PLXND1: variants seen among roughly 807,000 people sequenced by gnomAD.
PLXND1 encodes plexin D1, also known as plexin-D1.
Under a neutral mutation model 197.7 loss-of-function variants are expected in PLXND1, and 54 were observed. The observed-to-expected ratio is 0.27, with a 90% CI of 0.22 to 0.34. PLXND1 has a LOEUF of 0.34. Ranked by LOEUF, PLXND1 falls within the 10% of genes least tolerant of loss-of-function variation. PLXND1 has a pLI of 1.00. For synonymous variants in PLXND1, 1,180 were observed against 1,161.2 expected, an observed-to-expected ratio of 1.02 and a Z score of -0.33; for missense variants, 2,127 against 2,699.2, an observed-to-expected ratio of 0.79 and a Z score of 4.70.
rs144157167 is a variant in PLXND1, at chr3:129,581,164, G to A, written c.2241+2403C>T. Among the ~76,000 whole-genome samples the A allele has an allele frequency of 2.0e-5, 3 of 152,320 alleles. No homozygotes were observed. In the East Asian group the frequency reaches 5.8e-4, roughly 29 times the overall value. ...AGGGGCCACGTGGTGTGCAGATCCC[G>A]CTGCCTGCTGCCTGCTGTTCACACA... is the stretch of plus-strand genomic sequence containing the variant. On this transcript the variant is annotated intron_variant, in intron 8 of 35. Transcript: ENST00000324093.
In PLXND1 at chr3:129,557,335, C is replaced by T; in HGVS notation, c.5446-112G>A. The stretch of plus-strand genomic sequence containing the variant: ...CCACATAAGTGACCTTAGCAGGCCC[C>T]CGAGGCCCAAAGAGTCTCACCCGGT... On this transcript the variant is annotated intron_variant, in intron 33 of 35. Transcript: ENST00000324093. The surrounding 1 kb of genome is among the most constrained non-coding windows in gnomAD (Gnocchi z 4.8). 2 of 1,232,828 alleles carry T rather than the reference C, an allele frequency of 1.6e-6. No homozygotes were observed. Among genetic ancestry groups the T allele is most frequent in the Non-Finnish European group, 1.2e-6 (1 of 869,188 alleles). 76.4% of individuals were successfully genotyped at this position (1,232,828 alleles called of 1,614,324 possible).
chr3:129,581,740 G>A (rs1214085309), intron 8 of PLXND1, among the ~76,000 whole-genome samples: 1 of 152,222 alleles, frequency 6.6e-6, no homozygotes, highest in Admixed American at 6.5e-5. Flanking sequence ...GGCTCGTGAT[G>A]GCAGGACTAG....
Position 129,560,668 on chromosome 3 carries a change from G to A in PLXND1, c.5028+21C>T, listed in dbSNP as rs377053795. Reference sequence around the variant, plus strand: ...ACCCACTGAGGGGCTGGATCCCCCGGGGCCGAGGTTGGGCACTCACCAAAT... The same window carrying A: ...ACCCACTGAGGGGCTGGATCCCCCGAGGCCGAGGTTGGGCACTCACCAAAT... On this transcript the variant is annotated intron_variant, in intron 30 of 35. Coordinates refer to ENST00000324093, the MANE Select transcript of PLXND1 (RefSeq NM_015103.3). 2.5e-6 allele frequency: 4 copies of A among 1,590,566 alleles called. No homozygotes were observed. The African/African-American group carries it at 5.4e-5, about 21-fold the overall frequency.
At chr3:129,600,885 A>G (rs2085698191) in intron 1 of PLXND1, among the ~76,000 whole-genome samples, 1 of 151,972 alleles carries the variant, frequency 6.6e-6, no homozygotes, top group Non-Finnish European at 1.5e-5. Context: ...GCCAGTTTAA[A>G]ACTGCCTGAT....
In PLXND1 at chr3:129,569,972, G is replaced by C. The variant is rs779137280; in HGVS notation, c.3751-15C>G. On this transcript the variant is annotated splice_polypyrimidine_tract_variant and intron_variant, in intron 19 of 35. Transcript: ENST00000324093. ...CCTACCTGGATCTGTGCAGAGGTTGGGGAAGGGGGTTGTAGCTTTCCTGGA... is the reference window on the plus strand; with the variant it reads ...CCTACCTGGATCTGTGCAGAGGTTGCGGAAGGGGGTTGTAGCTTTCCTGGA... 6 of 1,472,632 alleles carry C rather than the reference G, an allele frequency of 4.1e-6. No individual in the cohort carries two copies. The highest frequency in any genetic ancestry group is 4.8e-6 in the Non-Finnish European group (5 of 1,051,234). 91.2% of individuals were successfully genotyped at this position (1,472,632 alleles called of 1,614,324 possible).
chr3:129,564,160 G>A (rs879539172), intron 25 of PLXND1, among the ~76,000 whole-genome samples: 1 of 152,226 alleles, frequency 6.6e-6, no homozygotes, highest in Non-Finnish European at 1.5e-5. Context: ...GCCCCTCCCA[G>A]GCCCTGCCTC....
chr3:129,573,239 C>T (rs764382869), intron 13 of PLXND1, among the ~76,000 whole-genome samples: 1 of 152,098 alleles, frequency 6.6e-6, no homozygotes, highest in Non-Finnish European at 1.5e-5. Context: ...CCTACGGCCC[C>T]TCTGGGCCAG....
At chr3:129,603,068 A>G (rs1250079635) in intron 1 of PLXND1, among the ~76,000 whole-genome samples, 1 of 152,198 alleles carries the variant, frequency 6.6e-6, no homozygotes, top group Non-Finnish European at 1.5e-5. Flanking sequence ...TGCCCATGCT[A>G]GAGGCCCAGA....
chr3:129,576,516 C>T (rs1353697383), intron 9 of PLXND1, among the ~76,000 whole-genome samples: 1 of 152,206 alleles, frequency 6.6e-6, no homozygotes, highest in African/African-American at 2.4e-5. Context: ...GTGTGCCAGG[C>T]ATCACCCTTA....
chr3:129,560,668 G>C (rs377053795), intron 30 of PLXND1, 21 bp downstream of exon 30: 1 of 1,590,684 alleles, frequency 6.3e-7, no homozygotes, highest in Admixed American at 1.7e-5. Flanking sequence ...GGATCCCCCG[G>C]GGCCGAGGTT....
chr3:129,565,006 G>C (rs1245095231), intron 25 of PLXND1, among the ~76,000 whole-genome samples: 1 of 152,250 alleles, frequency 6.6e-6, no homozygotes, highest in Non-Finnish European at 1.5e-5. Context: ...AGAGCCTCAA[G>C]GGCCAGCCAG....
At position 129,606,479 on chromosome 3, in the gene PLXND1, G is replaced by A; in HGVS notation, c.161C>T (p.Pro54Leu). The change falls in exon 1 of 36, where the codon CCC becomes CTC. Residue 54 changes from proline (P) to leucine (L), a missense_variant. Pro to Leu is a moderately conservative substitution (Grantham distance 98). Around this residue, in one of 6 missense-constraint regions of PLXND1, gnomAD observed 245 missense variants for 267.1 expected, o/e 0.92. Transcript: ENST00000324093. ...GAAGTTGTTGGTGGGCGTGGGCGAG[G>A]GGAACCGACGCTGGATCTCCAGGGC... ...AGALEIQRRF[P>L]SPTPTNNFAL... 1 of 1,431,364 alleles carries A rather than the reference G, an allele frequency of 7.0e-7. No individual in the cohort carries two copies. 88.7% of individuals were successfully genotyped at this position (1,431,364 alleles called of 1,614,324 possible).
chr3:129,595,917 G>A (rs913201953), intron 1 of PLXND1, among the ~76,000 whole-genome samples: 7 of 23,136 alleles, frequency 3.0e-4, no homozygotes, highest in African/African-American at 5.1e-4. Context: ...GGGGGTGCAC[G>A]CACGCACACA....
rs1005588774 is a variant in PLXND1 at position 129,567,414 on chromosome 3, G to A, written c.4086+78C>T. 2.0e-5 allele frequency: 17 copies of A among 833,948 alleles called. No homozygotes were observed. In the Admixed American group the frequency reaches 3.4e-4, roughly 17 times the overall value. 51.7% of individuals were successfully genotyped at this position (833,948 alleles called of 1,614,324 possible). On this transcript the variant is annotated intron_variant, in intron 22 of 35. Transcript: ENST00000324093. ...TTGGCACTGCTCAAGGGACCCTATA[G>A]GCTGGCAGGGCTCAGAGAGGTCGAG...
chr3:129,594,748 C>T (rs779493091), intron 1 of PLXND1, among the ~76,000 whole-genome samples: 12 of 152,102 alleles, frequency 7.9e-5, no homozygotes, highest in Non-Finnish European at 1.5e-4. Context: ...AAATGTACCA[C>T]GGTAACGGTA....
At chr3:129,562,675 T>G in intron 27 of PLXND1, 112 bp downstream of exon 27, 1 of 980,128 alleles carries the variant, frequency 1.0e-6, no homozygotes, top group Non-Finnish European at 1.5e-6. Context: ...ATCCTCTCAG[T>G]GTCCCCACAT....
Position 129,606,666 on chromosome 3 carries a change from G to A in PLXND1, c.-27C>T. On this transcript the variant is annotated 5_prime_UTR_variant, in exon 1 of 36. Coordinates refer to ENST00000324093, the MANE Select transcript of PLXND1 (RefSeq NM_015103.3). ...CGGGCGTGCGCGGGCTGCGCGGCGC[G>A]GCGAGTGCATGGGGCGAGGCGCGGC... The A allele has an allele frequency of 1.1e-6, 1 of 926,560 alleles. No homozygotes were observed. The highest frequency in any genetic ancestry group is 1.3e-6 in the Non-Finnish European group (1 of 776,306). The allele number at this position is 926,560 out of a possible 1,614,324, so 57.4% of individuals were successfully genotyped here.
At position 129,572,731 on chromosome 3, in the gene PLXND1, G is replaced by C; in HGVS notation, c.2955C>G (p.Ser985=). ...RFSYVLPLVH[S]LEPTMGPKAG... ...CCTTGGGGCCCATGGTAGGCTCCAGGGAGTGGACCAGGGGCAGCTGTGGGA... is the reference window on the plus strand; with the variant it reads ...CCTTGGGGCCCATGGTAGGCTCCAGCGAGTGGACCAGGGGCAGCTGTGGGA... Residue 985 remains serine, a synonymous_variant, in exon 15 of 36, where the codon TCC becomes TCG. Coordinates refer to ENST00000324093, the MANE Select transcript of PLXND1 (RefSeq NM_015103.3). The C allele has an allele frequency of 1.3e-6, 2 of 1,598,938 alleles. No homozygotes were observed. Among genetic ancestry groups the C allele is most frequent in the Middle Eastern group, 1.7e-4 (1 of 5,978 alleles).
At chr3:129,559,995 G>A (rs1005174416) in intron 31 of PLXND1, among the ~76,000 whole-genome samples, 3 of 152,230 alleles carry the variant, frequency 2.0e-5, no homozygotes, top group South Asian at 2.1e-4. Flanking sequence ...TCGAGAACTG[G>A]AAGTGCCAGA....
Sources: gnomAD v4.1 joint callset for allele counts (sites outside exome capture counted in the v4.1 genomes callset) on GRCh38, gnomAD v4.1.1 for gene constraint, gnomAD v4.1.1 regional missense constraint, Gnocchi (gnomAD v3.1) non-coding constraint, MANE v1.5 for transcripts, NCBI Gene and HGNC (gene_info 2026-07-23, HGNC 2026-07-21) for gene names.